Variants in LARGE1 observed in about 807,000 individuals in gnomAD.
LARGE1 encodes the protein LARGE xylosyl- and glucuronyltransferase 1, also known as xylosyl- and glucuronyltransferase LARGE1.
LARGE1 carries 43 observed loss-of-function variants against 87.6 expected under a neutral mutation model. The observed-to-expected ratio is 0.49, with a 90% CI of 0.38 to 0.63. The LOEUF (loss-of-function observed/expected upper bound fraction) is 0.63. LARGE1 is among the 30% of genes least tolerant of loss of function. The probability of loss-of-function intolerance (pLI) is 0.00; values close to 1 mark genes in which losing one functional copy is unlikely to be tolerated. For synonymous variants in LARGE1, 434 were observed against 394.6 expected, an observed-to-expected ratio of 1.10 and a Z score of -1.18; for missense variants, 802 against 1,000.2, an observed-to-expected ratio of 0.80 and a Z score of 2.67.
At position 33,906,185 on chromosome 22, in the gene LARGE1, G is replaced by A. The variant is rs554880480; in HGVS notation, c.-83+13810C>T. Among the ~76,000 whole-genome samples the A allele has an allele frequency of 6.6e-5, 10 of 151,672 alleles. No individual in the cohort carries two copies. In the East Asian group the frequency reaches 9.7e-4, roughly 15 times the overall value. On this transcript the variant is annotated intron_variant, in intron 1 of 14. Coordinates refer to ENST00000397394, the MANE Select transcript of LARGE1 (RefSeq NM_133642.5). ...AATAAAAATAAACAAAATGAGGGAG[G>A]ATAACCATGAAAGGAGGATTGGGAG...
At chr22:33,258,795 G>C (rs1352199827) in intron 11 of LARGE1, among the ~76,000 whole-genome samples, 1 of 152,012 alleles carries the variant, frequency 6.6e-6, no homozygotes, top group Non-Finnish European at 1.5e-5. Context: ...TTGGGGTCTG[G>C]ATCGGGACCC....
the LARGE1 span, among the ~76,000 whole-genome samples, chr22:33,132,179 C>CTTAT: frequency 1.6e-4 from 25 of 151,972 alleles, no homozygotes; most frequent in African/African-American, 3.9e-4. Context: ...TGTGTATTTA[C>CTTAT]TTATTTATTT....
At chr22:33,314,522 A>G (rs1601409483) in intron 11 of LARGE1, among the ~76,000 whole-genome samples, 1 of 152,196 alleles carries the variant, frequency 6.6e-6, no homozygotes, top group African/African-American at 2.4e-5. Context: ...TCCATTCTTC[A>G]GTCATTCATG....
intron 2 of LARGE1, among the ~76,000 whole-genome samples, chr22:33,666,709 G>C (rs922388887): frequency 3.3e-5 from 5 of 152,182 alleles, no homozygotes; most frequent in African/African-American, 1.2e-4. Context: ...CTGGTCTGAG[G>C]CAGCAGTCTC....
At chr22:33,789,592 G>A (rs2085758542) in intron 1 of LARGE1, among the ~76,000 whole-genome samples, 1 of 152,178 alleles carries the variant, frequency 6.6e-6, no homozygotes, top group African/African-American at 2.4e-5. Context: ...CAGGATGGGG[G>A]CTGTACCCTG....
rs558773332 is a variant in LARGE1 at position 33,198,051 on chromosome 22, G to C, written c.1731-31219C>G. On this transcript the variant is annotated intron_variant, in intron 11 of 11. Transcript: ENST00000608642. ...TATAAAACATTGACATTGACCCTCA[G>C]CTCAAACCACATGTGCATACAAAAA... Among the ~76,000 whole-genome samples the C allele has an allele frequency of 2.4e-4, 37 of 152,156 alleles. No homozygotes were observed. In the East Asian group the frequency reaches 7.1e-3, roughly 29 times the overall value.
chr22:33,611,369 CA>C (rs1198617641), intron 4 of LARGE1, among the ~76,000 whole-genome samples: 3 of 152,220 alleles, frequency 2.0e-5, no homozygotes, highest in Non-Finnish European at 4.4e-5. Context: ...CCCATTGCAC[CA>C]GTGTGCCCTA....
At chr22:33,823,115 C>T (rs1249958411) in intron 1 of LARGE1, among the ~76,000 whole-genome samples, 1 of 152,184 alleles carries the variant, frequency 6.6e-6, no homozygotes, top group Non-Finnish European at 1.5e-5. Context: ...ATAGCACAAC[C>T]TAATCCATCC....
intron 1 of LARGE1, among the ~76,000 whole-genome samples, chr22:33,901,240 G>C (rs1390720412): frequency 6.6e-6 from 1 of 152,042 alleles, no homozygotes; most frequent in East Asian, 1.9e-4. Context: ...CACTGGAGAG[G>C]GAGTGTGGTC....
intron 13 of LARGE1, among the ~76,000 whole-genome samples, chr22:33,281,495 C>T (rs1930438514): frequency 6.6e-6 from 1 of 152,170 alleles, no homozygotes; most frequent in Admixed American, 6.5e-5. Flanking sequence ...TATTTACTGG[C>T]TGTGTGTCAT....
intron 11 of LARGE1, among the ~76,000 whole-genome samples, chr22:33,310,736 A>G (rs1935481803): frequency 6.6e-6 from 1 of 152,144 alleles, no homozygotes; most frequent in African/African-American, 2.4e-5. Context: ...AATTTCTACC[A>G]TTCTTCATAA....
At chr22:33,679,947 G>C (rs1000186687) in intron 2 of LARGE1, among the ~76,000 whole-genome samples, 2 of 152,202 alleles carry the variant, frequency 1.3e-5, no homozygotes, top group Non-Finnish European at 2.9e-5. Context: ...CCAATACCTT[G>C]ATTTTGGACT....
At chr22:33,359,131 T>A (rs1413322808) in intron 9 of LARGE1, among the ~76,000 whole-genome samples, 3 of 152,172 alleles carry the variant, frequency 2.0e-5, no homozygotes, top group Non-Finnish European at 4.4e-5. Flanking sequence ...CAAGAGGGAC[T>A]GTATACAGTC....
At chr22:33,532,707 G>GT (rs1569244423) in intron 6 of LARGE1, among the ~76,000 whole-genome samples, 2 of 152,200 alleles carry the variant, frequency 1.3e-5, no homozygotes, top group Non-Finnish European at 2.9e-5. Context: ...TTTCTAAGAC[G>GT]TAACATTCAG....
intron 1 of LARGE1, among the ~76,000 whole-genome samples, chr22:33,910,190 G>A (rs991054024): frequency 1.3e-5 from 2 of 152,066 alleles, no homozygotes; most frequent in South Asian, 2.1e-4. Context: ...TATGTCCCTC[G>A]AGGGCAGGGA....
intron 2 of LARGE1, among the ~76,000 whole-genome samples, chr22:33,714,026 C>T (rs1206442800): frequency 6.8e-6 from 1 of 146,164 alleles, no homozygotes; most frequent in Non-Finnish European, 1.5e-5. Context: ...CATAACATAA[C>T]ATAACATAAA....
At chr22:33,555,065 TAC>T (rs1602405540) in intron 6 of LARGE1, among the ~76,000 whole-genome samples, 1 of 152,214 alleles carries the variant, frequency 6.6e-6, no homozygotes, top group Non-Finnish European at 1.5e-5. Flanking sequence ...GTACTGAATA[TAC>T]ACAGATTTTT....
At chr22:33,484,701 C>T (rs950230151) in intron 6 of LARGE1, among the ~76,000 whole-genome samples, 9 of 152,100 alleles carry the variant, frequency 5.9e-5, no homozygotes, top group Non-Finnish European at 1.2e-4. Context: ...AACTGTTTTG[C>T]GCCCATCCGC....
At chr22:33,278,561 A>T (rs560662358) in intron 13 of LARGE1, among the ~76,000 whole-genome samples, 18,330 of 146,594 alleles carry the variant, frequency 0.13, 1,656 homozygotes, top group African/African-American at 0.29. Context: ...TCTCACACAC[A>T]CACACACACA....
Sources: allele counts gnomAD v4.1 joint callset (sites outside exome capture counted in the v4.1 genomes callset), GRCh38; gene constraint gnomAD v4.1.1; transcripts MANE v1.5; gene names NCBI Gene and HGNC (gene_info 2026-07-23, HGNC 2026-07-21).